The following CLIC4 variants were observed in gnomAD, a reference collection of about 807,000 sequenced individuals.
The protein encoded by CLIC4 is chloride intracellular channel protein 4.
A neutral mutation model predicts 24.6 loss-of-function variants in CLIC4; 13 were observed. The observed-to-expected ratio is 0.53, with a 90% CI of 0.34 to 0.84. The LOEUF (loss-of-function observed/expected upper bound fraction) is 0.84, where lower values mean the gene tolerates loss of function less well. Among genes scored for constraint, CLIC4 ranks in the 40% least tolerant of loss-of-function variants. The pLI is 0.01. For missense variants in CLIC4, 227 were observed against 301.7 expected, an observed-to-expected ratio of 0.75 and a Z score of 1.83; for synonymous variants, 104 against 111.3, an observed-to-expected ratio of 0.93 and a Z score of 0.41.
At chr1:24,820,296 A>G (rs1360627442) in intron 3 of CLIC4, among the ~76,000 whole-genome samples, 2 of 57,886 alleles carry the variant, frequency 3.5e-5, no homozygotes, top group Admixed American at 2.9e-4. Flanking sequence ...TTTTTTTGAG[A>G]CATGGTCTTG....
chr1:24,840,013 A>G lies in CLIC4; in HGVS notation c.569A>G (p.Asn190Ser), dbSNP rs778946954. The change falls in exon 5 of 6, where the codon AAC (asparagine) becomes AGC (serine). Residue 190 changes from asparagine to serine, a missense_variant. Asn to Ser is a conservative substitution (Grantham distance 46). Transcript: ENST00000374379. ...AATGAAATGACATTAGCTGATTGCA[A>G]CCTGCTGCCCAAACTGCATATTGTC... ...DGNEMTLADCNLLPKLHIVKV... is the reference protein window; with the variant it reads ...DGNEMTLADCSLLPKLHIVKV... 1.2e-5 allele frequency: 19 copies of G among 1,614,098 alleles called. No individual in the cohort carries two copies. The highest frequency in any genetic ancestry group is 4.5e-5 in the East Asian group (2 of 44,880).
chr1:24,800,721 A>G (rs1639478230), intron 2 of CLIC4, among the ~76,000 whole-genome samples: 1 of 152,214 alleles, frequency 6.6e-6, no homozygotes, highest in Non-Finnish European at 1.5e-5. Context: ...TTCTGCACTA[A>G]GAAAAATTCT....
intron 1 of CLIC4, among the ~76,000 whole-genome samples, chr1:24,786,650 C>T (rs961915224): frequency 6.6e-6 from 1 of 152,072 alleles, no homozygotes. Flanking sequence ...CGGAGTCTTG[C>T]TCTGTCGCCC....
intron 4 of CLIC4, among the ~76,000 whole-genome samples, chr1:24,836,759 G>A (rs894364858): frequency 2.0e-5 from 3 of 152,188 alleles, no homozygotes; most frequent in African/African-American, 7.2e-5. Flanking sequence ...GATCGCATGA[G>A]CCCAGGAGTT....
chr1:24,817,114 G>A (rs1358463300), intron 3 of CLIC4, among the ~76,000 whole-genome samples: 1 of 152,150 alleles, frequency 6.6e-6, no homozygotes, highest in Admixed American at 6.5e-5. Flanking sequence ...TCAATAGAAG[G>A]TTTTGTCTGC....
intron 2 of CLIC4, among the ~76,000 whole-genome samples, chr1:24,807,475 C>G (rs114645783): frequency 1.3e-5 from 2 of 152,134 alleles, no homozygotes; most frequent in African/African-American, 4.8e-5. Context: ...CCCTGACTCA[C>G]GTGGCCCCTG....
chr1:24,837,979 C>T (rs1471789997), intron 4 of CLIC4, among the ~76,000 whole-genome samples: 1 of 152,160 alleles, frequency 6.6e-6, no homozygotes, highest in Non-Finnish European at 1.5e-5. Context: ...CACGTTGCTC[C>T]AGCTCAGTGC....
intron 2 of CLIC4, among the ~76,000 whole-genome samples, chr1:24,805,845 G>A (rs763111830): frequency 6.6e-6 from 1 of 152,046 alleles, no homozygotes; most frequent in Non-Finnish European, 1.5e-5. Context: ...TAAAATATTA[G>A]CTCCTATAGG....
intron 1 of CLIC4, among the ~76,000 whole-genome samples, chr1:24,784,988 C>T (rs1281450466): frequency 2.8e-4 from 38 of 136,048 alleles, no homozygotes; most frequent in Non-Finnish European, 2.6e-4. Flanking sequence ...TGGGCGACAG[C>T]GCGAGACTCT....
At chr1:24,758,007 C>T (rs1030921934) in intron 1 of CLIC4, among the ~76,000 whole-genome samples, 5 of 152,156 alleles carry the variant, frequency 3.3e-5, no homozygotes, top group Non-Finnish European at 7.3e-5. Context: ...AATTCTCCCA[C>T]CTCAGCCTCT....
At chr1:24,747,194 A>G (rs978128409) in intron 1 of CLIC4, among the ~76,000 whole-genome samples, 5 of 150,030 alleles carry the variant, frequency 3.3e-5, no homozygotes, top group African/African-American at 1.2e-4. Context: ...TGAGTGGCAG[A>G]TATAGTACTT....
At chr1:24,771,852 A>C (rs549629613) in intron 1 of CLIC4, 1 of 514,848 alleles carries the variant, frequency 1.9e-6, no homozygotes, top group African/African-American at 1.9e-5. Flanking sequence ...TTCAAGTCCT[A>C]TGTGTATCCT....
At chr1:24,775,331 A>G (rs747710244) in intron 1 of CLIC4, among the ~76,000 whole-genome samples, 8 of 148,658 alleles carry the variant, frequency 5.4e-5, no homozygotes, top group Non-Finnish European at 7.4e-5. Flanking sequence ...TGAATCTGTA[A>G]ATTTGTCTTT....
chr1:24,763,118 G>GT (rs1240479474), intron 1 of CLIC4, among the ~76,000 whole-genome samples: 2 of 151,956 alleles, frequency 1.3e-5, no homozygotes, highest in Non-Finnish European at 2.9e-5. Context: ...AAGAAATTTT[G>GT]TTCTTCATCT....
intron 4 of CLIC4, among the ~76,000 whole-genome samples, chr1:24,836,464 A>G (rs1639886323): frequency 1.4e-5 from 2 of 142,228 alleles, no homozygotes; most frequent in Admixed American, 1.5e-4. Context: ...GCCATAAAAC[A>G]AAGCTAAAAA....
intron 1 of CLIC4, 98 bp downstream of exon 1, chr1:24,745,723 G>C: frequency 1.0e-6 from 1 of 970,006 alleles, no homozygotes. Flanking sequence ...GCCCCCGCTC[G>C]GCGCCAGCAC....
At chr1:24,813,297 C>G (rs1639633681) in intron 2 of CLIC4, among the ~76,000 whole-genome samples, 1 of 152,060 alleles carries the variant, frequency 6.6e-6, no homozygotes, top group Non-Finnish European at 1.5e-5. Context: ...CTGCCTTGGC[C>G]TCCCAAAGTG....
At chr1:24,770,566 T>TA (rs529869114) in intron 1 of CLIC4, among the ~76,000 whole-genome samples, 1 of 152,098 alleles carries the variant, frequency 6.6e-6, no homozygotes, top group Non-Finnish European at 1.5e-5. Flanking sequence ...AAAAAAAGAA[T>TA]AAAAAAATTA....
intron 1 of CLIC4, among the ~76,000 whole-genome samples, chr1:24,759,107 T>G (rs1638888962): frequency 6.6e-6 from 1 of 152,216 alleles, no homozygotes. Context: ...GGTTTGAAGG[T>G]AGATCCTCCT....
Sources: allele counts gnomAD v4.1 joint callset (sites outside exome capture counted in the v4.1 genomes callset), GRCh38; gene constraint gnomAD v4.1.1; transcripts MANE v1.5; gene names NCBI Gene and HGNC (gene_info 2026-07-23, HGNC 2026-07-21).